Variants in IL1RAPL2 observed in about 807,000 individuals in gnomAD.
IL1RAPL2 encodes the protein interleukin 1 receptor accessory protein like 2, also known as X-linked interleukin-1 receptor accessory protein-like 2.
IL1RAPL2 carries 3 observed loss-of-function variants against 44.1 expected under a neutral mutation model. The ratio of observed to expected loss-of-function variants is 0.07; its 90% CI spans 0.03 to 0.18. The LOEUF is 0.18. IL1RAPL2 is among the 10% of genes least tolerant of loss of function. IL1RAPL2 has a pLI of 1.00. For synonymous variants in IL1RAPL2, 181 were observed against 178.8 expected, an observed-to-expected ratio of 1.01 and a Z score of -0.10; for missense variants, 391 against 496.4, an observed-to-expected ratio of 0.79 and a Z score of 2.02.
At chrX:105,487,461 G>A (rs1424360447) in intron 6 of IL1RAPL2, among the ~76,000 whole-genome samples, 1 of 111,702 alleles carries the variant, frequency 9.0e-6, no homozygotes, top group African/African-American at 3.3e-5. Flanking sequence ...TGAACTTTTC[G>A]GGTTTTAGTT....
chrX:104,666,097 G>T (rs1930483135), intron 2 of IL1RAPL2, among the ~76,000 whole-genome samples: 1 of 92,063 alleles, frequency 1.1e-5, no homozygotes, highest in Non-Finnish European at 2.0e-5. Flanking sequence ...AACCTTAAAA[G>T]TGTGTGTGTG....
In IL1RAPL2 at chrX:105,717,476, C is replaced by T. The variant is rs1266745069; in HGVS notation, c.882C>T (p.His294=). ...AGTTTATTGAAGAACTGGCAGGTCA[C>T]ATTAGAGAAGGTGAAATAAGGTAGA... The part of the protein sequence containing the change: ...GEKFIEELAG[H]IREGEIRLLK... Residue 294 remains histidine, a synonymous_variant, in exon 7 of 11, where the codon CAC becomes CAT. Transcript: ENST00000372582. 8 of 1,202,714 alleles carry T rather than the reference C, an allele frequency of 6.7e-6. No homozygotes were observed. The highest frequency in any genetic ancestry group is 6.7e-6 in the Non-Finnish European group (6 of 889,867).
At chrX:104,654,138 C>T (rs1395760614) in intron 1 of IL1RAPL2, among the ~76,000 whole-genome samples, 3 of 110,779 alleles carry the variant, frequency 2.7e-5, no homozygotes, top group African/African-American at 9.8e-5. Flanking sequence ...CAGCTTGGTT[C>T]AATTCCTTAC....
intron 4 of IL1RAPL2, among the ~76,000 whole-genome samples, chrX:105,250,060 G>A (rs938043629): frequency 9.0e-6 from 1 of 111,059 alleles, no homozygotes; most frequent in African/African-American, 3.3e-5. Context: ...AAAAAGACAT[G>A]GAGAAACCTT....
intron 2 of IL1RAPL2, among the ~76,000 whole-genome samples, chrX:104,842,961 A>G (rs979263013): frequency 8.9e-6 from 1 of 112,706 alleles, no homozygotes; most frequent in Non-Finnish European, 1.9e-5. Context: ...TGCTGTCTTC[A>G]GTGCTGGCAG....
At chrX:104,901,682 G>A (rs1009453452) in intron 2 of IL1RAPL2, among the ~76,000 whole-genome samples, 1 of 111,033 alleles carries the variant, frequency 9.0e-6, no homozygotes, top group Non-Finnish European at 1.9e-5. Context: ...CATAGAGGGG[G>A]GACATTGAAA....
chrX:105,035,263 C>T (rs904755264), intron 2 of IL1RAPL2, among the ~76,000 whole-genome samples: 1 of 111,821 alleles, frequency 8.9e-6, no homozygotes, highest in African/African-American at 3.3e-5. Context: ...CACCCACTTT[C>T]TGGCACTCCC....
chrX:104,975,148 G>T (rs181544367), intron 2 of IL1RAPL2, among the ~76,000 whole-genome samples: 10 of 111,284 alleles, frequency 9.0e-5, no homozygotes, highest in African/African-American at 2.9e-4. Flanking sequence ...TTTCTTTGCT[G>T]CTTTTTGTAG....
intron 2 of IL1RAPL2, among the ~76,000 whole-genome samples, chrX:105,186,139 G>T (rs2033584346): frequency 9.0e-6 from 1 of 111,398 alleles, no homozygotes; most frequent in Non-Finnish European, 1.9e-5. Flanking sequence ...AGCATTCAAA[G>T]ATTTTATTAT....
At chrX:105,069,118 TCTC>T in intron 2 of IL1RAPL2, among the ~76,000 whole-genome samples, 1 of 111,486 alleles carries the variant, frequency 9.0e-6, no homozygotes, top group Admixed American at 9.5e-5. Flanking sequence ...GAAGGAGGCT[TCTC>T]CTGATTTCCT....
At position 104,983,522 on chromosome X, in the gene IL1RAPL2, G is replaced by T. The variant is rs973942392; in HGVS notation, c.83-211953G>T. On this transcript the variant is annotated intron_variant, in intron 2 of 10. Coordinates refer to ENST00000372582, the MANE Select transcript of IL1RAPL2 (RefSeq NM_017416.2). ...CATAATATTATATAATATTATATTA[G>T]ATACATAATATTATATAATATTATA... is the stretch of plus-strand genomic sequence containing the variant. Among the ~76,000 whole-genome samples, 47 of 90,532 alleles carry T rather than the reference G, an allele frequency of 5.2e-4. 1 individual carries two copies. The highest frequency in any genetic ancestry group is 6.0e-3 in the Middle Eastern group (1 of 167). 78.6% of individuals were successfully genotyped at this position (90,532 alleles called of 115,157 possible).
At chrX:105,005,941 C>G (rs987810893) in intron 2 of IL1RAPL2, among the ~76,000 whole-genome samples, 1 of 110,579 alleles carries the variant, frequency 9.0e-6, no homozygotes, top group Non-Finnish European at 1.9e-5. Flanking sequence ...GTAATAATTT[C>G]TGATTCTCAT....
At chrX:105,598,245 C>A (rs1484055749) in intron 6 of IL1RAPL2, among the ~76,000 whole-genome samples, 3 of 110,024 alleles carry the variant, frequency 2.7e-5, no homozygotes, top group Non-Finnish European at 3.8e-5. Context: ...TAAGTGAAAA[C>A]ACACACACAC....
chrX:105,055,798 G>T (rs988097472), intron 2 of IL1RAPL2, among the ~76,000 whole-genome samples: 6 of 112 alleles, frequency 0.054, no homozygotes, highest in East Asian at 0.38. Context: ...AATCACTCTG[G>T]GTTTTTTCCT....
At chrX:104,938,759 A>G (rs1259094059) in intron 2 of IL1RAPL2, among the ~76,000 whole-genome samples, 3 of 110,852 alleles carry the variant, frequency 2.7e-5, no homozygotes, top group Non-Finnish European at 5.7e-5. Context: ...AATTGGAGGC[A>G]TGGGAGCTGT....
intron 2 of IL1RAPL2, among the ~76,000 whole-genome samples, chrX:104,790,142 A>AT (rs1932818059): frequency 8.9e-6 from 1 of 112,092 alleles, no homozygotes; most frequent in Admixed American, 9.5e-5. Flanking sequence ...ATACAAAAAA[A>AT]TTTTTGTTTA....
intron 2 of IL1RAPL2, among the ~76,000 whole-genome samples, chrX:105,013,997 T>C (rs779012426): frequency 2.7e-5 from 3 of 112,218 alleles, no homozygotes; most frequent in African/African-American, 6.5e-5. Flanking sequence ...ACCAGGCACA[T>C]AGTGCGTATT....
intron 2 of IL1RAPL2, among the ~76,000 whole-genome samples, chrX:105,074,138 T>TA (rs773292385): frequency 1.9e-3 from 212 of 111,829 alleles, no homozygotes; most frequent in African/African-American, 6.5e-3. Context: ...CTGAATGGTA[T>TA]TGCCCAGGTT....
intron 1 of IL1RAPL2, among the ~76,000 whole-genome samples, chrX:104,606,470 G>T (rs10127135): frequency 9.9e-5 from 11 of 111,460 alleles, no homozygotes; most frequent in Non-Finnish European, 1.5e-4. Context: ...TTCTGGCCAG[G>T]GCAATCAGGC....
Sources: allele counts gnomAD v4.1 joint callset (sites outside exome capture counted in the v4.1 genomes callset), GRCh38; gene constraint gnomAD v4.1.1; transcripts MANE v1.5; gene names NCBI Gene and HGNC (gene_info 2026-07-23, HGNC 2026-07-21).